HDGF: variants seen among roughly 807,000 people sequenced by gnomAD.
HDGF encodes the protein heparin binding growth factor.
A neutral mutation model predicts 30.0 loss-of-function variants in HDGF; 5 were observed. The ratio of observed to expected loss-of-function variants is 0.17; its 90% confidence interval spans 0.09 to 0.35. The LOEUF (loss-of-function observed/expected upper bound fraction) is 0.35, where lower values mean the gene tolerates loss of function less well. HDGF is among the 10% of genes least tolerant of loss of function. The pLI is 1.00. For synonymous variants in HDGF, 133 were observed against 112.7 expected, an observed-to-expected ratio of 1.18 and a Z score of -1.14; for missense variants, 214 against 302.8, an observed-to-expected ratio of 0.71 and a Z score of 2.18.
chr1:156,743,625 T>C (rs776650560), intron 5 of HDGF, 27 bp downstream of exon 5: 6 of 1,572,620 alleles, frequency 3.8e-6, no homozygotes, highest in Non-Finnish European at 5.3e-6. Context: ...CTAGTCCAGC[T>C]GCCAAGGGGT....
At chr1:156,753,832 G>A (rs1014269736), upstream of HDGF, among the ~76,000 whole-genome samples, 1 of 152,196 alleles carries the variant, frequency 6.6e-6, no homozygotes, top group Non-Finnish European at 1.5e-5. Context: ...TTACAGGCGT[G>A]AGCCACCGTG....
chr1:156,748,360 A>G (rs1650736282), intron 1 of HDGF, among the ~76,000 whole-genome samples: 1 of 152,218 alleles, frequency 6.6e-6, no homozygotes, highest in South Asian at 2.1e-4. Flanking sequence ...GTACCCCAAT[A>G]CAGACATCTG....
At chr1:156,758,604 T>TAAAAAAATAA (rs369799205) in intron 2 of HDGF, among the ~76,000 whole-genome samples, 1 of 96,450 alleles carries the variant, frequency 1.0e-5, no homozygotes, top group Admixed American at 1.1e-4. Flanking sequence ...AAAAAAAAAA[T>TAAAAAAATAA]AAATAAATAA....
chr1:156,753,389 C>G (rs1269497240), upstream of HDGF, among the ~76,000 whole-genome samples: 6 of 152,202 alleles, frequency 3.9e-5, no homozygotes, highest in African/African-American at 1.4e-4. Flanking sequence ...GGTGTTTACT[C>G]TACAATGCAT....
chr1:156,748,503 C>A (rs183741878), intron 1 of HDGF, among the ~76,000 whole-genome samples: 1 of 152,168 alleles, frequency 6.6e-6, no homozygotes, highest in African/African-American at 2.4e-5. Context: ...TAGGGGAACT[C>A]GGCTACCTCT....
chr1:156,745,161 G>T lies in HDGF; in HGVS notation c.165-15C>A. On this transcript the variant is annotated splice_polypyrimidine_tract_variant and intron_variant, in intron 2 of 5. Coordinates refer to ENST00000357325, the MANE Select transcript of HDGF (RefSeq NM_004494.3). ...CCAGGAATGCCCTGGTGAGAGATGG[G>T]AGACTGTGCTCTCAAGCCCCTCACT... 6.2e-7 allele frequency: 1 copy of T among 1,613,938 alleles called. No homozygotes were observed.
upstream of HDGF, chr1:156,752,159 C>G: frequency 2.6e-6 from 4 of 1,551,660 alleles, no homozygotes; most frequent in Non-Finnish European, 3.5e-6. Context: ...TGCTAGGCGC[C>G]GAGGGCGAGA....
intron 2 of HDGF, among the ~76,000 whole-genome samples, chr1:156,758,612 T>TAAAAATAAAA (rs1234235857): frequency 9.1e-6 from 1 of 109,960 alleles, no homozygotes; most frequent in Non-Finnish European, 1.8e-5. Context: ...AATAAATAAA[T>TAAAAATAAAA]AAATAAATAA....
At chr1:156,748,076 G>GGAA (rs1189333293) in intron 1 of HDGF, among the ~76,000 whole-genome samples, 1 of 152,126 alleles carries the variant, frequency 6.6e-6, no homozygotes, top group African/African-American at 2.4e-5. Context: ...GGAAGAGAGA[G>GGAA]GAAGACAGGG....
At position 156,751,283 on chromosome 1, in the gene HDGF, C is replaced by A; in HGVS notation, c.87+60G>T. On this transcript the variant is annotated intron_variant, in intron 1 of 5. Coordinates refer to ENST00000357325, the MANE Select transcript of HDGF (RefSeq NM_004494.3). The surrounding 1 kb of genome is among the most constrained non-coding windows in gnomAD (Gnocchi z 4.7). ...CTCCGCGCGGAGCGCTCGTGCCCTT[C>A]CCGGTGTTATGCAACCCAAGCCCGC... is the stretch of plus-strand genomic sequence containing the variant. The A allele has an allele frequency of 6.4e-7, 1 of 1,571,930 alleles. No individual in the cohort carries two copies. The highest frequency in any genetic ancestry group is 1.1e-5 in the South Asian group (1 of 87,554).
At chr1:156,765,827 G>A (rs537994995) in intron 1 of HDGF, among the ~76,000 whole-genome samples, 12 of 152,204 alleles carry the variant, frequency 7.9e-5, no homozygotes, top group East Asian at 1.9e-4. Flanking sequence ...AGAAGTGACC[G>A]CACAGTCACC....
chr1:156,752,011 C>T, upstream of HDGF: 1 of 1,547,986 alleles, frequency 6.5e-7, no homozygotes, highest in Non-Finnish European at 8.7e-7. Context: ...GGCCCCCGCC[C>T]TTCCCCCGAC....
upstream of HDGF, chr1:156,752,092 C>T (rs990299645): frequency 6.4e-7 from 1 of 1,551,446 alleles, no homozygotes; most frequent in African/African-American, 1.4e-5. Context: ...TTCCGCCTGC[C>T]CTCTGCTCCA....
intron 3 of HDGF, among the ~76,000 whole-genome samples, chr1:156,744,790 C>A (rs932612417): frequency 6.6e-6 from 1 of 152,108 alleles, no homozygotes; most frequent in African/African-American, 2.4e-5. Context: ...TTCTTGCCCC[C>A]CAGACTGCTG....
At chr1:156,766,536 C>A (rs1294323632) in intron 1 of HDGF, among the ~76,000 whole-genome samples, 1 of 152,138 alleles carries the variant, frequency 6.6e-6, no homozygotes, top group Non-Finnish European at 1.5e-5. Flanking sequence ...CACAGCAGAT[C>A]ATCACAAGCA....
intron 1 of HDGF, among the ~76,000 whole-genome samples, chr1:156,765,089 C>G (rs1007503724): frequency 1.3e-4 from 20 of 150,988 alleles, no homozygotes; most frequent in African/African-American, 4.9e-4. Flanking sequence ...CCGCGCCCCC[C>G]CCGCCCTTTT....
chr1:156,751,858 A>G (rs946368814), upstream of HDGF: 5 of 967,914 alleles, frequency 5.2e-6, no homozygotes, highest in African/African-American at 5.3e-5. The surrounding 1 kb of genome is among the most constrained non-coding windows in gnomAD (Gnocchi z 4.7). Flanking sequence ...CCACGGCCCA[A>G]CGCCCAACCC....
intron 3 of HDGF, 37 bp from the exon 4 acceptor site, chr1:156,744,385 C>T (rs551850900): frequency 2.4e-5 from 38 of 1,609,538 alleles, no homozygotes; most frequent in Non-Finnish European, 1.7e-5. Context: ...TGGCACCAGT[C>T]GCTGCCATGC....
chr1:156,757,564 G>A (rs957981975), intron 2 of HDGF, among the ~76,000 whole-genome samples: 1 of 151,860 alleles, frequency 6.6e-6, no homozygotes, highest in Non-Finnish European at 1.5e-5. Context: ...AAGCCAAAGC[G>A]GGTGGATCAC....
Sources: gnomAD v4.1 joint callset for allele counts (sites outside exome capture counted in the v4.1 genomes callset) on GRCh38, gnomAD v4.1.1 for gene constraint, Gnocchi (gnomAD v3.1) non-coding constraint, MANE v1.5 for transcripts, NCBI Gene and HGNC (gene_info 2026-07-23, HGNC 2026-07-21) for gene names.